Variants in ZFHX3 observed in about 807,000 individuals in gnomAD.
The protein encoded by ZFHX3 is zinc finger homeobox protein 3.
In ZFHX3, 42 loss-of-function variants were observed where a neutral mutation model predicts 279.1. That is an observed-to-expected ratio of 0.15 (90% CI 0.12 to 0.19). The LOEUF (loss-of-function observed/expected upper bound fraction) is 0.19, where lower values mean the gene tolerates loss of function less well. ZFHX3 is among the 10% of genes least tolerant of loss of function. The pLI is 1.00. For missense variants in ZFHX3, 4,981 were observed against 4,754.0 expected (o/e 1.05, Z -1.40); for synonymous variants, 2,293 against 1,957.8 (o/e 1.17, Z -4.52).
intron 4 of ZFHX3, among the ~76,000 whole-genome samples, chr16:73,299,269 C>T (rs1303165170): frequency 6.6e-6 from 1 of 152,014 alleles, no homozygotes; most frequent in Non-Finnish European, 1.5e-5. Flanking sequence ...GCTGTTCAGC[C>T]CCTAGAAGAG....
chr16:73,773,399 T>C (rs1016256732), intron 1 of ZFHX3, among the ~76,000 whole-genome samples: 1 of 152,224 alleles, frequency 6.6e-6, no homozygotes, highest in South Asian at 2.1e-4. Context: ...TCAGTGGAGA[T>C]GGAGAACAGA....
At chr16:73,187,499 G>A (rs959734659) in intron 5 of ZFHX3, among the ~76,000 whole-genome samples, 1 of 152,180 alleles carries the variant, frequency 6.6e-6, no homozygotes, top group African/African-American at 2.4e-5. Context: ...ATGAGATAAT[G>A]TTTTAGAGGA....
chr16:73,461,721 T>C (rs992917987), intron 2 of ZFHX3, among the ~76,000 whole-genome samples: 8 of 152,240 alleles, frequency 5.3e-5, no homozygotes, highest in Non-Finnish European at 7.3e-5. Flanking sequence ...TTCTGGGTTT[T>C]CTATTCTTCT....
chr16:73,611,512 A>T (rs2052246102), intron 2 of ZFHX3, among the ~76,000 whole-genome samples: 1 of 152,194 alleles, frequency 6.6e-6, no homozygotes, highest in African/African-American at 2.4e-5. Flanking sequence ...TACATAAAAT[A>T]TTTTTTGAAA....
chr16:73,772,503 AT>A (rs1409752377), intron 1 of ZFHX3, among the ~76,000 whole-genome samples: 1 of 152,152 alleles, frequency 6.6e-6, no homozygotes, highest in Non-Finnish European at 1.5e-5. Flanking sequence ...TCAAGATGAG[AT>A]TTAGGTGGGG....
At chr16:73,719,662 T>G (rs2053454749) in intron 1 of ZFHX3, among the ~76,000 whole-genome samples, 1 of 152,186 alleles carries the variant, frequency 6.6e-6, no homozygotes, top group African/African-American at 2.4e-5. Flanking sequence ...TATTTTTTGC[T>G]CTTATTGCCC....
At chr16:73,529,047 T>C (rs2019745607) in intron 2 of ZFHX3, among the ~76,000 whole-genome samples, 1 of 152,014 alleles carries the variant, frequency 6.6e-6, no homozygotes, top group Admixed American at 6.6e-5. Flanking sequence ...AAGAAAGAGG[T>C]CACACAGCAT....
intron 2 of ZFHX3, among the ~76,000 whole-genome samples, chr16:73,610,565 C>A (rs4888520): frequency 2.6e-5 from 4 of 152,044 alleles, no homozygotes; most frequent in African/African-American, 7.2e-5. Flanking sequence ...AGTCTGTTAA[C>A]TGAAACACTA....
At chr16:73,287,131 TGTTG>T (rs1367932588) in intron 4 of ZFHX3, among the ~76,000 whole-genome samples, 1 of 138,642 alleles carries the variant, frequency 7.2e-6, no homozygotes, top group Non-Finnish European at 1.5e-5. Context: ...CGTGTCGGTG[TGTTG>T]GTTGGTGTGT....
chr16:73,336,323 G>A (rs1439811939), intron 3 of ZFHX3, among the ~76,000 whole-genome samples: 1 of 152,098 alleles, frequency 6.6e-6, no homozygotes, highest in African/African-American at 2.4e-5. Flanking sequence ...TTGGTGTACA[G>A]GGTAATCCAT....
At chr16:72,823,758 C>A (rs867987502) in intron 5 of ZFHX3, among the ~76,000 whole-genome samples, 2 of 152,130 alleles carry the variant, frequency 1.3e-5, no homozygotes, top group Admixed American at 6.6e-5. Context: ...TTGTTAATAA[C>A]CCATTTGGTC....
intron 9 of ZFHX3, chr16:72,789,481 A>T (rs1158820912): frequency 6.6e-6 from 1 of 152,324 alleles, no homozygotes; most frequent in East Asian, 1.9e-4. Context: ...CAGAGAAGTT[A>T]TCTGGAGGAG....
At chr16:73,318,291 C>T (rs1035953231) in exon 4 of ZFHX3, 3 of 152,168 alleles carry the variant, frequency 2.0e-5, no homozygotes, top group African/African-American at 7.2e-5. Context: ...CAATTTTCTT[C>T]CAGCCATTCT....
intron 4 of ZFHX3, among the ~76,000 whole-genome samples, chr16:73,303,654 A>C (rs897577797): frequency 3.9e-5 from 6 of 152,190 alleles, no homozygotes; most frequent in African/African-American, 1.4e-4. Context: ...CTACCTTCCT[A>C]TGAATTTATA....
At chr16:73,379,004 A>T (rs2016773987) in intron 3 of ZFHX3, among the ~76,000 whole-genome samples, 1 of 152,140 alleles carries the variant, frequency 6.6e-6, no homozygotes, top group Admixed American at 6.6e-5. Context: ...AGGTTCTTTT[A>T]TGCTAGTGTT....
chr16:73,219,711 T>C (rs1389693718), intron 5 of ZFHX3, among the ~76,000 whole-genome samples: 2 of 152,220 alleles, frequency 1.3e-5, no homozygotes, highest in African/African-American at 4.8e-5. Flanking sequence ...GGTCCTATCT[T>C]GGAATCAGGT....
intron 5 of ZFHX3, among the ~76,000 whole-genome samples, chr16:73,169,930 C>T (rs2050317728): frequency 6.6e-6 from 1 of 152,162 alleles, no homozygotes; most frequent in South Asian, 2.1e-4. Context: ...TGTACTCTTC[C>T]TTTGCTGCAT....
At position 73,034,419 on chromosome 16, in the gene ZFHX3, C is replaced by T. The variant is rs182029249; in HGVS notation, c.-50+13333G>A. 3.3e-3 allele frequency among the ~76,000 whole-genome samples: 495 copies of T among 152,266 alleles called. 3 individuals are homozygous for T. Among genetic ancestry groups the T allele is most frequent in the African/African-American group, 0.012 (484 of 41,546 alleles). On this transcript the variant is annotated intron_variant, in intron 1 of 9. Coordinates refer to ENST00000268489, the MANE Select transcript of ZFHX3 (RefSeq NM_006885.4). ...GCACTAGAGCCTCTAAGAGAAAGTCCCCTCCAAGCAATGCACCACACAGTC... is the reference window on the plus strand; with the variant it reads ...GCACTAGAGCCTCTAAGAGAAAGTCTCCTCCAAGCAATGCACCACACAGTC...
At chr16:73,133,764 G>C (rs937148477) in intron 6 of ZFHX3, among the ~76,000 whole-genome samples, 8 of 152,152 alleles carry the variant, frequency 5.3e-5, no homozygotes, top group African/African-American at 1.9e-4. Context: ...ACCAATTTCT[G>C]TTTTCTCCAT....
Sources: allele counts gnomAD v4.1 joint callset (sites outside exome capture counted in the v4.1 genomes callset), GRCh38; gene constraint gnomAD v4.1.1; transcripts MANE v1.5; gene names NCBI Gene and HGNC (gene_info 2026-07-23, HGNC 2026-07-21).